Variants in LRRC1 observed in about 807,000 individuals in gnomAD.
LRRC1 encodes leucine rich repeat containing 1.
Under a neutral mutation model 69.9 loss-of-function variants are expected in LRRC1, and 28 were observed. The ratio of observed to expected loss-of-function variants is 0.40; its 90% confidence interval spans 0.30 to 0.55. LRRC1 has a LOEUF of 0.55. Among genes scored for constraint, LRRC1 ranks in the 20% least tolerant of loss-of-function variants. The pLI is 0.47. For missense variants in LRRC1, 498 were observed against 609.0 expected, an observed-to-expected ratio of 0.82 and a Z score of 1.92; for synonymous variants, 236 against 240.2, an observed-to-expected ratio of 0.98 and a Z score of 0.16.
intron 1 of LRRC1, among the ~76,000 whole-genome samples, chr6:53,821,437 C>A (rs1425670826): frequency 6.6e-6 from 1 of 151,974 alleles, no homozygotes; most frequent in African/African-American, 2.4e-5. Flanking sequence ...TAAATGAAAA[C>A]ATTTTTTGAA....
intron 1 of LRRC1, among the ~76,000 whole-genome samples, chr6:53,828,182 A>AAG (rs1296946253): frequency 1.3e-5 from 2 of 151,888 alleles, no homozygotes; most frequent in African/African-American, 4.8e-5. Context: ...AAAAAAAAAA[A>AAG]AAAGAAACAT....
chr6:53,872,392 G>T (rs937614683), intron 2 of LRRC1, among the ~76,000 whole-genome samples: 1 of 152,112 alleles, frequency 6.6e-6, no homozygotes, highest in Non-Finnish European at 1.5e-5. Flanking sequence ...AATTTGTAGT[G>T]AGTGGATTTA....
intron 1 of LRRC1, among the ~76,000 whole-genome samples, chr6:53,820,383 A>G (rs991341133): frequency 6.7e-6 from 1 of 148,848 alleles, no homozygotes; most frequent in Non-Finnish European, 1.5e-5. Context: ...AGGGTAAGGT[A>G]AGTCAATGTG....
At chr6:53,834,439 A>T (rs1765551692) in intron 1 of LRRC1, among the ~76,000 whole-genome samples, 1 of 151,928 alleles carries the variant, frequency 6.6e-6, no homozygotes, top group Non-Finnish European at 1.5e-5. Flanking sequence ...TCCCGCCTCC[A>T]CCTCCAGCAT....
intron 11 of LRRC1, among the ~76,000 whole-genome samples, chr6:53,915,207 G>A (rs1474354260): frequency 3.3e-5 from 5 of 152,146 alleles, no homozygotes; most frequent in Admixed American, 2.6e-4. Flanking sequence ...TCTCCTGAGT[G>A]TTGATTAGCT....
At chr6:53,892,957 C>T (rs934796926) in intron 4 of LRRC1, among the ~76,000 whole-genome samples, 1 of 152,184 alleles carries the variant, frequency 6.6e-6, no homozygotes, top group Non-Finnish European at 1.5e-5. Flanking sequence ...CCTTTGTTTG[C>T]TTTCTATTTC....
At chr6:53,864,076 C>A (rs558262841) in intron 2 of LRRC1, among the ~76,000 whole-genome samples, 28 of 152,214 alleles carry the variant, frequency 1.8e-4, no homozygotes, top group African/African-American at 6.0e-4. Context: ...CCACTCTGCC[C>A]TTGTCCTCTC....
intron 2 of LRRC1, among the ~76,000 whole-genome samples, chr6:53,873,581 G>A (rs973169470): frequency 6.6e-6 from 1 of 151,494 alleles, no homozygotes; most frequent in East Asian, 1.9e-4. Context: ...CCACAGGCGC[G>A]AGCCACCATG....
At chr6:53,816,371 C>T (rs949364823) in intron 1 of LRRC1, among the ~76,000 whole-genome samples, 17 of 151,314 alleles carry the variant, frequency 1.1e-4, no homozygotes, top group African/African-American at 3.9e-4. Flanking sequence ...TTAAAAATTC[C>T]GAGTTCATTA....
At chr6:53,882,077 G>A (rs925058819) in intron 3 of LRRC1, among the ~76,000 whole-genome samples, 8 of 152,120 alleles carry the variant, frequency 5.3e-5, no homozygotes, top group African/African-American at 9.7e-5. Flanking sequence ...CAGTTGTCGC[G>A]GTGGCTCACA....
intron 2 of LRRC1, among the ~76,000 whole-genome samples, chr6:53,872,779 CAG>C (rs1766935907): frequency 8.7e-6 from 1 of 114,924 alleles, no homozygotes; most frequent in Non-Finnish European, 1.7e-5. Context: ...TTTTTGGAGA[CAG>C]AGTCTTGCTC....
intron 1 of LRRC1, among the ~76,000 whole-genome samples, chr6:53,806,503 C>A (rs1764640029): frequency 6.6e-6 from 1 of 152,112 alleles, no homozygotes. Context: ...TGGTCCTGTC[C>A]AACACTAGCA....
chr6:53,919,790 C>T, intron 12 of LRRC1, 120 bp downstream of exon 12: 1 of 883,394 alleles, frequency 1.1e-6, no homozygotes, highest in Non-Finnish European at 1.7e-6. Flanking sequence ...CACCTAGAGC[C>T]AGCTCAGGTG....
chr6:53,884,737 T>G (rs917652744), intron 4 of LRRC1, among the ~76,000 whole-genome samples: 5 of 152,180 alleles, frequency 3.3e-5, no homozygotes, highest in African/African-American at 9.7e-5. Context: ...TCTTAATGCT[T>G]TGAGATAAAA....
chr6:53,920,879 T>G, intron 13 of LRRC1, 118 bp downstream of exon 13: 1 of 1,189,272 alleles, frequency 8.4e-7, no homozygotes, highest in Non-Finnish European at 1.2e-6. Context: ...CCTTCAGCAT[T>G]TAGGAATTTT....
chr6:53,796,312 C>A (rs1174614719), intron 1 of LRRC1, among the ~76,000 whole-genome samples: 3 of 152,196 alleles, frequency 2.0e-5, no homozygotes, highest in Admixed American at 2.0e-4. Flanking sequence ...GTACAGCGAA[C>A]TTCTTTCAAG....
chr6:53,807,319 G>A (rs956274373), intron 1 of LRRC1, among the ~76,000 whole-genome samples: 1 of 152,154 alleles, frequency 6.6e-6, no homozygotes, highest in African/African-American at 2.4e-5. Context: ...GTTGAGTGCT[G>A]GCTGTGCTTC....
intron 4 of LRRC1, among the ~76,000 whole-genome samples, chr6:53,894,839 A>G (rs1175841344): frequency 6.6e-6 from 1 of 152,194 alleles, no homozygotes; most frequent in Non-Finnish European, 1.5e-5. Context: ...AAGAGAAAGT[A>G]GAACTAGAGA....
intron 1 of LRRC1, among the ~76,000 whole-genome samples, chr6:53,800,373 C>T (rs1562020685): frequency 6.7e-6 from 1 of 150,076 alleles, no homozygotes; most frequent in East Asian, 2.0e-4. Flanking sequence ...GCCTCAGCCT[C>T]TCGAGTAAGC....
Sources: allele counts gnomAD v4.1 joint callset (sites outside exome capture counted in the v4.1 genomes callset), GRCh38; gene constraint gnomAD v4.1.1; transcripts MANE v1.5; gene names NCBI Gene and HGNC (gene_info 2026-07-23, HGNC 2026-07-21).